GREB1L: variants seen among roughly 807,000 people sequenced by gnomAD.
The protein encoded by GREB1L is GREB1-like protein.
GREB1L carries 17 observed loss-of-function variants against 200.8 expected under a neutral mutation model. The observed-to-expected ratio is 0.08, with a 90% confidence interval of 0.06 to 0.13. The LOEUF is 0.13. Among genes scored for constraint, GREB1L ranks in the 10% least tolerant of loss-of-function variants. The pLI, the probability that GREB1L is intolerant of heterozygous loss-of-function variation, is 1.00. For missense variants in GREB1L, 1,657 were observed against 2,367.7 expected (o/e 0.70, Z 6.23); for synonymous variants, 789 against 893.0 (o/e 0.88, Z 2.08).
At chr18:21,294,651 A>G (rs977496804) in intron 1 of GREB1L, among the ~76,000 whole-genome samples, 4 of 151,116 alleles carry the variant, frequency 2.6e-5, no homozygotes, top group Non-Finnish European at 5.9e-5. Context: ...TATAATAATG[A>G]CAAAAATGGC....
At chr18:21,473,309 C>A in intron 16 of GREB1L, 98 bp downstream of exon 16, 1 of 893,220 alleles carries the variant, frequency 1.1e-6, no homozygotes, top group South Asian at 2.5e-5. Context: ...GTGGCTCACA[C>A]CTGTAATCCC....
chr18:21,384,345 C>T lies in GREB1L; in HGVS notation c.297C>T (p.Asn99=), dbSNP rs772804626. ...ACGATGAAGAAATGTCTGATTCAAA[C>T]AGCCCACCAATTCCCTATTCACAAA... is the stretch of plus-strand genomic sequence containing the variant. ...DEDDEEMSDS[N]SPPIPYSQKP... The change falls in exon 4 of 33, where the codon AAC becomes AAT. Residue 99 remains asparagine (N), a synonymous_variant. Transcript: ENST00000424526. 9 of 1,551,754 alleles carry T rather than the reference C, an allele frequency of 5.8e-6. No homozygotes were observed. Among genetic ancestry groups the T allele is most frequent in the Non-Finnish European group, 7.8e-6 (9 of 1,146,998 alleles).
At chr18:21,262,699 G>A (rs901882476) in intron 1 of GREB1L, among the ~76,000 whole-genome samples, 1 of 152,102 alleles carries the variant, frequency 6.6e-6, no homozygotes, top group African/African-American at 2.4e-5. Flanking sequence ...TGTACAAAGT[G>A]TTTCTAGGTT....
intron 1 of GREB1L, among the ~76,000 whole-genome samples, chr18:21,248,871 A>AT (rs1466500498): frequency 6.6e-6 from 1 of 152,206 alleles, no homozygotes; most frequent in Non-Finnish European, 1.5e-5. Flanking sequence ...GACTGTGTAG[A>AT]TATAGAACAT....
chr18:21,474,841 G>T (rs768477549), intron 16 of GREB1L, among the ~76,000 whole-genome samples: 1 of 152,126 alleles, frequency 6.6e-6, no homozygotes, highest in Non-Finnish European at 1.5e-5. Context: ...TCCGCTCCTT[G>T]TTACTTATGC....
At chr18:21,460,187 G>GTTTTT (rs1789908296) in intron 15 of GREB1L, among the ~76,000 whole-genome samples, 1 of 151,838 alleles carries the variant, frequency 6.6e-6, no homozygotes, top group African/African-American at 2.4e-5. Context: ...TTTTGTTTTT[G>GTTTTT]TTTTGAGATG....
intron 23 of GREB1L, among the ~76,000 whole-genome samples, chr18:21,502,161 G>T (rs1224085261): frequency 6.6e-6 from 1 of 151,954 alleles, no homozygotes; most frequent in African/African-American, 2.4e-5. Context: ...CTGAGGCACA[G>T]AATTGTTTGA....
At chr18:21,472,298 A>G (rs950779370) in intron 15 of GREB1L, among the ~76,000 whole-genome samples, 19 of 152,234 alleles carry the variant, frequency 1.2e-4, no homozygotes, top group Admixed American at 3.3e-4. Context: ...CTTTTAATCA[A>G]TTATCTCAAC....
chr18:21,308,622 G>T (rs557218013), intron 1 of GREB1L, among the ~76,000 whole-genome samples: 9 of 152,170 alleles, frequency 5.9e-5, no homozygotes, highest in Non-Finnish European at 1.2e-4. Context: ...TCAGCCTGCC[G>T]GTGTCTCTCA....
At chr18:21,353,001 G>A (rs2039455523) in intron 1 of GREB1L, among the ~76,000 whole-genome samples, 1 of 151,942 alleles carries the variant, frequency 6.6e-6, no homozygotes. Context: ...CTAACACGGT[G>A]AAACCCCGTC....
chr18:21,436,351 G>T (rs1231690876), intron 7 of GREB1L, among the ~76,000 whole-genome samples: 1 of 152,080 alleles, frequency 6.6e-6, no homozygotes, highest in East Asian at 1.9e-4. Context: ...CAAAAGATAG[G>T]CTTCATCCAG....
intron 2 of GREB1L, 60 bp downstream of exon 2, chr18:21,366,196 G>A (rs1396375429): frequency 1.3e-5 from 2 of 152,070 alleles, no homozygotes; most frequent in Admixed American, 1.3e-4. Context: ...GTTTTAGGAA[G>A]TTGTATTTAG....
chr18:21,449,686 G>T lies in GREB1L; in HGVS notation c.1570G>T (p.Val524Leu). 6.4e-7 allele frequency: 1 copy of T among 1,551,706 alleles called. No homozygotes were observed. Among genetic ancestry groups the T allele is most frequent in the Non-Finnish European group, 8.7e-7 (1 of 1,146,986 alleles). The change falls in exon 12 of 33, where the codon GTG becomes TTG. Residue 524 changes from valine to leucine, a missense_variant. Coordinates refer to ENST00000424526, the MANE Select transcript of GREB1L (RefSeq NM_001142966.3). ...CAGCGTATCTCAAGACTTGGTTCATGTGGTTGTGACCCAGAACTCTTTGGC... is the reference window on the plus strand; with the variant it reads ...CAGCGTATCTCAAGACTTGGTTCATTTGGTTGTGACCCAGAACTCTTTGGC... ...IASVSQDLVH[V>L]VVTQNSLAEG...
At chr18:21,367,721 A>G (rs1246422878) in intron 2 of GREB1L, among the ~76,000 whole-genome samples, 1 of 152,212 alleles carries the variant, frequency 6.6e-6, no homozygotes, top group Non-Finnish European at 1.5e-5. Context: ...GTCAGTTGAC[A>G]AACAACCTTA....
intron 2 of GREB1L, among the ~76,000 whole-genome samples, chr18:21,371,644 G>A (rs914915065): frequency 2.0e-5 from 3 of 151,566 alleles, no homozygotes; most frequent in South Asian, 2.1e-4. Flanking sequence ...CAAATTAGCC[G>A]GGCGTGGCGG....
At chr18:21,425,393 TC>T (rs1170832650) in intron 7 of GREB1L, among the ~76,000 whole-genome samples, 5 of 152,252 alleles carry the variant, frequency 3.3e-5, no homozygotes, top group African/African-American at 1.2e-4. Context: ...ATGCGTGTTT[TC>T]CTTTCTCTCA....
chr18:21,360,763 T>A (rs2039570229), intron 1 of GREB1L, among the ~76,000 whole-genome samples: 1 of 152,254 alleles, frequency 6.6e-6, no homozygotes, highest in Non-Finnish European at 1.5e-5. Flanking sequence ...TTATACATGC[T>A]TTTTATTCTC....
At chr18:21,268,534 C>T (rs1402050496) in intron 1 of GREB1L, among the ~76,000 whole-genome samples, 7 of 86,956 alleles carry the variant, frequency 8.1e-5, no homozygotes, top group African/African-American at 4.3e-4. Flanking sequence ...CACACACACA[C>T]ACACACACAC....
intron 1 of GREB1L, among the ~76,000 whole-genome samples, chr18:21,258,593 C>T (rs1224226814): frequency 2.6e-5 from 4 of 152,152 alleles, no homozygotes; most frequent in South Asian, 2.1e-4. Context: ...CTGGAAATAC[C>T]AACACAAGAC....
Sources: allele counts gnomAD v4.1 joint callset (sites outside exome capture counted in the v4.1 genomes callset), GRCh38; gene constraint gnomAD v4.1.1; transcripts MANE v1.5; gene names NCBI Gene and HGNC (gene_info 2026-07-23, HGNC 2026-07-21).